MYO9A: variants seen among roughly 807,000 people sequenced by gnomAD.
The protein encoded by MYO9A is myosin IXA.
Under a neutral mutation model 293.3 loss-of-function variants are expected in MYO9A, and 103 were observed. The observed-to-expected ratio is 0.35, with a 90% CI of 0.30 to 0.41. MYO9A has a LOEUF of 0.41. Among genes scored for constraint, MYO9A ranks in the 10% least tolerant of loss-of-function variants. The pLI is 1.00. For synonymous variants in MYO9A, 1,001 were observed against 1,035.7 expected, an observed-to-expected ratio of 0.97 and a Z score of 0.64; for missense variants, 2,685 against 3,033.0, an observed-to-expected ratio of 0.89 and a Z score of 2.69.
chr15:72,046,907 T>G (rs535072688), intron 1 of MYO9A, among the ~76,000 whole-genome samples: 2 of 152,290 alleles, frequency 1.3e-5, no homozygotes, highest in East Asian at 3.9e-4. Context: ...AAAAATTATT[T>G]TTCCCCTGCT....
rs145005030 is a variant in MYO9A, at chr15:71,835,722, C to T, written c.6838-5411G>A. Among the ~76,000 whole-genome samples, 640 of 152,180 alleles carry T rather than the reference C, an allele frequency of 4.2e-3. 12 individuals are homozygous for T. Among genetic ancestry groups the T allele is most frequent in the Admixed American group, 0.036 (551 of 15,284 alleles). On this transcript the variant is annotated intron_variant, in intron 39 of 41. Transcript: ENST00000356056. The stretch of plus-strand genomic sequence containing the variant: ...CAGAAGGCAATCTATAGATCCAATG[C>T]AATCCCAATAAAAATCCCAAGAGAA...
At chr15:71,882,479 A>C (rs1304190540) in intron 28 of MYO9A, among the ~76,000 whole-genome samples, 1 of 152,186 alleles carries the variant, frequency 6.6e-6, no homozygotes, top group Non-Finnish European at 1.5e-5. Context: ...AGTTAAAATA[A>C]GAGCTATGGG....
At chr15:71,884,541 A>G (rs1172667527) in intron 27 of MYO9A, among the ~76,000 whole-genome samples, 1 of 152,174 alleles carries the variant, frequency 6.6e-6, no homozygotes, top group Non-Finnish European at 1.5e-5. Flanking sequence ...ATATTAGGTA[A>G]CTTTCCCAAA....
intron 1 of MYO9A, among the ~76,000 whole-genome samples, chr15:72,104,729 G>T (rs2080507901): frequency 1.3e-5 from 2 of 152,152 alleles, no homozygotes; most frequent in African/African-American, 4.8e-5. Context: ...GCATTTTCCT[G>T]ATCTCTTTCT....
intron 1 of MYO9A, among the ~76,000 whole-genome samples, chr15:72,106,682 C>G (rs911509075): frequency 2.0e-5 from 3 of 151,952 alleles, no homozygotes; most frequent in Admixed American, 2.0e-4. Flanking sequence ...GTCACTGCAG[C>G]CTCAACCTCC....
At chr15:71,986,679 T>C (rs1596325859) in intron 11 of MYO9A, among the ~76,000 whole-genome samples, 1 of 152,214 alleles carries the variant, frequency 6.6e-6, no homozygotes, top group African/African-American at 2.4e-5. Flanking sequence ...AAAATTTTAA[T>C]AGAAAGAGGG....
rs377708464 is a variant in MYO9A at position 71,966,265 on chromosome 15, A to AGTGTGTGTGTGTGTGTGTGTGTGTGTGT, written c.1986+1691_1986+1718dup. Reference sequence around the variant, plus strand: ...ATAACGCAGATGAATATCCCAGGCAAGTGTGTGTGTGTGTGTGTGTGTGTG... The same window carrying AGTGTGTGTGTGTGTGTGTGTGTGTGTGT: ...ATAACGCAGATGAATATCCCAGGCAAGTGTGTGTGTGTGTGTGTGTGTGTGTGTGTGTGTGTGTGTGTGTGTGTGTGTG... On this transcript the variant is annotated intron_variant, in intron 13 of 41. Coordinates refer to ENST00000356056, the MANE Select transcript of MYO9A (RefSeq NM_006901.4). Among the ~76,000 whole-genome samples the AGTGTGTGTGTGTGTGTGTGTGTGTGTGT allele has an allele frequency of 4.5e-4, 61 of 134,952 alleles. 1 individual carries two copies. Among genetic ancestry groups the AGTGTGTGTGTGTGTGTGTGTGTGTGTGT allele is most frequent in the African/African-American group, 1.3e-3 (47 of 34,874 alleles). The allele number at this position is 134,952 out of a possible 152,430, so 88.5% of individuals were successfully genotyped here. A position where few individuals can be genotyped will look rare whatever the true frequency, so the allele number is the denominator to read the frequency against.
At chr15:72,100,457 C>T (rs1052901222) in intron 1 of MYO9A, among the ~76,000 whole-genome samples, 1 of 151,632 alleles carries the variant, frequency 6.6e-6, no homozygotes, top group Non-Finnish European at 1.5e-5. Flanking sequence ...TGCCTGGCTG[C>T]CCAGTCTGGG....
At chr15:72,015,918 G>A (rs1474145668) in intron 6 of MYO9A, among the ~76,000 whole-genome samples, 1 of 151,898 alleles carries the variant, frequency 6.6e-6, no homozygotes, top group African/African-American at 2.4e-5. Context: ...TCAATCTCCT[G>A]ACCTCGTGAT....
At chr15:71,837,941 T>G (rs928718869) in intron 39 of MYO9A, among the ~76,000 whole-genome samples, 2 of 152,160 alleles carry the variant, frequency 1.3e-5, no homozygotes, top group Admixed American at 1.3e-4. Flanking sequence ...AAAATAAGCA[T>G]GAATTTACTT....
intron 2 of MYO9A, among the ~76,000 whole-genome samples, chr15:72,043,933 CTTTT>C (rs3028362): frequency 8.5e-5 from 12 of 140,540 alleles, no homozygotes; most frequent in Non-Finnish European, 1.1e-4. Context: ...ATTCCCTTTC[CTTTT>C]TTTTTTTTTT....
intron 2 of MYO9A, among the ~76,000 whole-genome samples, chr15:72,039,198 CA>C (rs1344092775): frequency 1.3e-5 from 2 of 152,048 alleles, no homozygotes; most frequent in Non-Finnish European, 2.9e-5. Context: ...TAAAGTGACA[CA>C]AGTATGTCAT....
chr15:71,852,160 T>G lies in MYO9A; in HGVS notation c.6447A>C (p.Glu2149Asp). ...TAGCTCGAAGAAATTCCTCATAGAG[T>G]TCAAAGGTCATGAGAGGATTGGGCA... ...RDLPNPLMTF[E>D]LYEEFLRAMG... Residue 2149 changes from glutamate (E) to aspartate (D), a missense_variant, in exon 36 of 42, where the codon GAA becomes GAC. By Grantham distance (45) the Glu-to-Asp change is conservative. This residue lies in a region of MYO9A where 238 missense variants were observed against 269.1 expected (regional missense o/e 0.88). Transcript: ENST00000356056. 1 of 1,613,258 alleles carries G rather than the reference T, an allele frequency of 6.2e-7. No individual in the cohort carries two copies. Among genetic ancestry groups the G allele is most frequent in the African/African-American group, 1.3e-5 (1 of 74,992 alleles).
chr15:71,894,033 G>A (rs1441040653), intron 25 of MYO9A, among the ~76,000 whole-genome samples: 1 of 152,116 alleles, frequency 6.6e-6, no homozygotes, highest in African/African-American at 2.4e-5. Context: ...TTTAAGAATA[G>A]TAGCTGCAAA....
chr15:71,922,234 C>A (rs530972055), intron 18 of MYO9A, among the ~76,000 whole-genome samples: 1 of 152,348 alleles, frequency 6.6e-6, no homozygotes, highest in South Asian at 2.1e-4. Flanking sequence ...CCACCTTGGC[C>A]TCCCACAGTG....
chr15:71,865,628 G>A (rs902848164), intron 32 of MYO9A, among the ~76,000 whole-genome samples: 6 of 152,132 alleles, frequency 3.9e-5, no homozygotes, highest in African/African-American at 1.4e-4. Flanking sequence ...AAGTAGACTG[G>A]TGGTTGTGAG....
chr15:71,852,357 T>G (rs879100240), intron 35 of MYO9A, 97 bp from the exon 36 acceptor site: 3 of 1,175,578 alleles, frequency 2.6e-6, no homozygotes, highest in Non-Finnish European at 3.4e-6. Context: ...GAAGGCTTCA[T>G]GTTTCTTTTT....
chr15:71,977,775 C>T (rs186039607), intron 12 of MYO9A, among the ~76,000 whole-genome samples: 3 of 152,174 alleles, frequency 2.0e-5, no homozygotes, highest in Admixed American at 1.3e-4. Flanking sequence ...CGGTGGCTCA[C>T]GCCTGTAATC....
chr15:72,026,096 A>G (rs924034429), intron 4 of MYO9A, among the ~76,000 whole-genome samples: 19 of 151,544 alleles, frequency 1.3e-4, no homozygotes, highest in African/African-American at 4.6e-4. Flanking sequence ...ACATGGTGAA[A>G]CCCCGCCCCT....
Sources: allele counts gnomAD v4.1 joint callset (sites outside exome capture counted in the v4.1 genomes callset), GRCh38; gene constraint gnomAD v4.1.1; regional missense constraint gnomAD v4.1.1; transcripts MANE v1.5; gene names NCBI Gene and HGNC (gene_info 2026-07-23, HGNC 2026-07-21).